The following ESPN variants were observed in gnomAD, a reference collection of about 807,000 sequenced individuals.
ESPN encodes the protein espin, also known as autosomal recessive deafness type 36 protein.
In ESPN, 68 loss-of-function variants were observed where a neutral mutation model predicts 77.7. The ratio of observed to expected loss-of-function variants is 0.87; its 90% CI spans 0.72 to 1.07. The LOEUF is 1.07. Among genes scored for constraint, ESPN ranks in the 50% least tolerant of loss-of-function variants. ESPN has a pLI of 0.00. For synonymous variants in ESPN, 449 were observed against 567.1 expected, an observed-to-expected ratio of 0.79 and a Z score of 2.96; for missense variants, 1,060 against 1,239.0, an observed-to-expected ratio of 0.86 and a Z score of 2.17.
intron 10 of ESPN, chr1:6,456,513 G>C (rs1294394656): frequency 9.4e-6 from 2 of 212,346 alleles, no homozygotes; most frequent in African/African-American, 2.3e-5. Context: ...GCTCCTCCTT[G>C]CGGCAGTGTG....
chr1:6,442,644 C>A (rs1335280308), intron 5 of ESPN, among the ~76,000 whole-genome samples: 3 of 148,002 alleles, frequency 2.0e-5, no homozygotes, highest in Non-Finnish European at 4.4e-5. Context: ...CTGAGGCGGG[C>A]AGATCACAAG....
At chr1:6,439,171 G>A (rs1216354241) in intron 2 of ESPN, among the ~76,000 whole-genome samples, 2 of 152,172 alleles carry the variant, frequency 1.3e-5, no homozygotes, top group African/African-American at 2.4e-5. Flanking sequence ...AGCTAGCACA[G>A]CAGAAGCATT....
Position 6,448,621 on chromosome 1 carries a change from CG to C in ESPN, c.1465-18del. 1 of 1,552,080 alleles carries C rather than the reference CG, an allele frequency of 6.4e-7. No homozygotes were observed. The highest frequency in any genetic ancestry group is 1.2e-5 in the South Asian group (1 of 84,898). On this transcript the variant is annotated intron_variant, in intron 7 of 12. Transcript: ENST00000645284. ...TACCGGGCAGGTGCCCGAGCCCCAC[CG>C]GTCACTGTCTTCCCGCAGCTGAGCT...
chr1:6,441,864 C>CT (rs1643648597), intron 5 of ESPN, among the ~76,000 whole-genome samples: 1 of 152,206 alleles, frequency 6.6e-6, no homozygotes, highest in African/African-American at 2.4e-5. Context: ...TGCCCTCCCC[C>CT]CCCCAGCACA....
intron 5 of ESPN, among the ~76,000 whole-genome samples, chr1:6,442,233 G>A (rs1309857129): frequency 2.6e-5 from 4 of 152,166 alleles, no homozygotes; most frequent in African/African-American, 4.8e-5. Context: ...GCACCCTGCC[G>A]AGTGCCTTAA....
At chr1:6,443,453 C>T (rs1643719323) in intron 5 of ESPN, among the ~76,000 whole-genome samples, 1 of 152,234 alleles carries the variant, frequency 6.6e-6, no homozygotes, top group Non-Finnish European at 1.5e-5. Flanking sequence ...CCCTCAGCAC[C>T]CACTGCTGTT....
chr1:6,456,932 A>T (rs1569754366), intron 10 of ESPN, among the ~76,000 whole-genome samples: 1 of 152,110 alleles, frequency 6.6e-6, no homozygotes, highest in East Asian at 1.9e-4. Context: ...GGTCCCAGCT[A>T]CTTGTTCTCT....
intron 2 of ESPN, among the ~76,000 whole-genome samples, chr1:6,436,428 T>C (rs1234573679): frequency 6.6e-6 from 1 of 152,138 alleles, no homozygotes; most frequent in Non-Finnish European, 1.5e-5. Context: ...ATCACTATTA[T>C]TATTTACTAT....
At chr1:6,446,445 G>A (rs1044492742) in intron 7 of ESPN, among the ~76,000 whole-genome samples, 20 of 152,334 alleles carry the variant, frequency 1.3e-4, no homozygotes, top group African/African-American at 4.6e-4. Flanking sequence ...TGGAAGTGAA[G>A]CTGTGGCTGG....
chr1:6,430,350 G>C (rs778699768), intron 2 of ESPN, among the ~76,000 whole-genome samples: 1 of 152,226 alleles, frequency 6.6e-6, no homozygotes, highest in Non-Finnish European at 1.5e-5. Flanking sequence ...GGGTGGCCAC[G>C]GGACGAGGAA....
downstream of ESPN, chr1:6,461,288 G>A (rs953419603): frequency 6.2e-5 from 64 of 1,024,560 alleles, no homozygotes; most frequent in Non-Finnish European, 8.8e-5. This position sits in a 1 kb window ranked among gnomAD's most constrained non-coding sequence, Gnocchi z 6.3. Flanking sequence ...CGATAGGGGC[G>A]AGCAGGGGTG....
chr1:6,424,837 G>C lies in ESPN; in HGVS notation c.-119G>C. 1 of 1,063,826 alleles carries C rather than the reference G, an allele frequency of 9.4e-7. No homozygotes were observed. Among genetic ancestry groups the C allele is most frequent in the Non-Finnish European group, 1.2e-6 (1 of 825,940 alleles). 65.9% of individuals were successfully genotyped at this position (1,063,826 alleles called of 1,614,324 possible). A position where few individuals can be genotyped will look rare whatever the true frequency, so the allele number is the denominator to read the frequency against. On this transcript the variant is annotated 5_prime_UTR_variant, in exon 1 of 13. Transcript: ENST00000645284. Reference sequence around the variant, plus strand: ...CGGAGGCCAGGCCCACAGCCGCTCCGCCTCCCGGCCCGCAGATCCCCGACG... The same window carrying C: ...CGGAGGCCAGGCCCACAGCCGCTCCCCCTCCCGGCCCGCAGATCCCCGACG...
Position 6,427,559 on chromosome 1 carries a change from G to A in ESPN, c.295-667G>A, listed in dbSNP as rs913683571. ...ACCCCTGGCTGACTGCCCCGGACCC[G>A]CCCACCAGTACCCAGCAACTTCCAC... is the stretch of plus-strand genomic sequence containing the variant. On this transcript the variant is annotated intron_variant, in intron 1 of 12. Transcript: ENST00000645284. This position sits in a 1 kb window ranked among gnomAD's most constrained non-coding sequence, Gnocchi z 4.6. Among the ~76,000 whole-genome samples, 3 of 152,140 alleles carry A rather than the reference G, an allele frequency of 2.0e-5. No homozygotes were observed. The highest frequency in any genetic ancestry group is 7.2e-5 in the African/African-American group (3 of 41,438).
chr1:6,451,606 C>T lies in ESPN; in HGVS notation c.1919C>T (p.Thr640Ile). Residue 640 changes from threonine (T) to isoleucine (I), a missense_variant, in exon 9 of 13, where the codon ACC (threonine) becomes ATC (isoleucine). This residue lies in a region of ESPN where 374 missense variants were observed against 381.4 expected (regional missense o/e 0.98). Transcript: ENST00000645284. The surrounding 1 kb of genome is among the most constrained non-coding windows in gnomAD (Gnocchi z 4.3). ...QRRSSSSTGSTKSFNMMSPTG... is the reference protein window; with the variant it reads ...QRRSSSSTGSIKSFNMMSPTG... ...CTCATCTCCTGCCTCCGCATAGGCACCAAGTCTTTCAACATGATGTCCCCG... is the reference window on the plus strand; with the variant it reads ...CTCATCTCCTGCCTCCGCATAGGCATCAAGTCTTTCAACATGATGTCCCCG... The T allele has an allele frequency of 1.2e-6, 2 of 1,612,792 alleles. No individual in the cohort carries two copies. Among genetic ancestry groups the T allele is most frequent in the African/African-American group, 1.3e-5 (1 of 75,052 alleles).
chr1:6,443,272 A>T (rs1643711458), intron 5 of ESPN: 2 of 152,344 alleles, frequency 1.3e-5, no homozygotes, highest in East Asian at 1.9e-4. Flanking sequence ...GCAGATAAAG[A>T]AAGTTAGGCA....
At position 6,437,660 on chromosome 1, in the gene ESPN, C is replaced by G. The variant is rs1643483927; in HGVS notation, c.489-2594C>G. 6.6e-6 allele frequency: 1 copy of G among 152,220 alleles called. No homozygotes were observed. The highest frequency in any genetic ancestry group is 2.4e-5 in the African/African-American group (1 of 41,428). 9.4% of individuals were successfully genotyped at this position (152,220 alleles called of 1,614,324 possible). On this transcript the variant is annotated intron_variant, in intron 2 of 12. Transcript: ENST00000645284. The surrounding 1 kb of genome is among the most constrained non-coding windows in gnomAD (Gnocchi z 4.5). ...TGGATCACCAGGCATGGTGCCTGCT[C>G]CCCGCACCATCGTGAAGTGCCGGGC...
intron 1 of ESPN, among the ~76,000 whole-genome samples, chr1:6,426,971 C>T (rs34064241): frequency 0.12 from 17,582 of 152,046 alleles, 1,947 homozygotes; most frequent in African/African-American, 0.28. Flanking sequence ...GCCCCCACCC[C>T]GCAGGCTGCC....
Position 6,428,358 on chromosome 1 carries a change from C to T in ESPN, c.427C>T (p.His143Tyr), listed in dbSNP as rs755951392. 9.3e-6 allele frequency: 15 copies of T among 1,613,000 alleles called. No individual in the cohort carries two copies. In the South Asian group the frequency reaches 1.4e-4, roughly 15 times the overall value. ...AATDMGALPI[H>Y]YAAAKGDFPS... is the part of the protein sequence containing the mutation. Reference sequence around the variant, plus strand: ...CACAGACATGGGCGCCCTGCCTATCCACTACGCTGCCGCCAAAGGAGACTT... The same window carrying T: ...CACAGACATGGGCGCCCTGCCTATCTACTACGCTGCCGCCAAAGGAGACTT... The change falls in exon 2 of 13, where the codon CAC becomes TAC. Residue 143 changes from histidine to tyrosine, a missense_variant. His to Tyr is a moderately conservative substitution (Grantham distance 83). Transcript: ENST00000645284. The surrounding 1 kb of genome is among the most constrained non-coding windows in gnomAD (Gnocchi z 5.4).
At position 6,460,036 on chromosome 1, in the gene ESPN, CG is replaced by C; in HGVS notation, c.2458del (p.Glu820ArgfsTer27). 2.5e-6 allele frequency: 4 copies of C among 1,613,540 alleles called. No individual in the cohort carries two copies. The highest frequency in any genetic ancestry group is 3.4e-6 in the Non-Finnish European group (4 of 1,180,004). ...GCGACAGAAGCAGGAGGAGCTGCGG[CG>C]GGAGAAGGAACAGTCAGAGAAGCTG... ...EERQKQEELR[R>X]EKEQSEKLRT... On this transcript the variant is annotated frameshift_variant, in exon 13 of 13. Transcript: ENST00000645284. LOFTEE classifies it high-confidence loss of function.
Sources: allele counts gnomAD v4.1 joint callset (sites outside exome capture counted in the v4.1 genomes callset), GRCh38; gene constraint gnomAD v4.1.1; regional missense constraint gnomAD v4.1.1; non-coding constraint Gnocchi (gnomAD v3.1); transcripts MANE v1.5; gene names NCBI Gene and HGNC (gene_info 2026-07-23, HGNC 2026-07-21).